PTP4A2: variants seen among roughly 807,000 people sequenced by gnomAD.
PTP4A2 encodes the protein protein tyrosine phosphatase 4A2.
In PTP4A2, 2 loss-of-function variants were observed where a neutral mutation model predicts 22.9. The observed-to-expected ratio is 0.09, with a 90% CI of 0.04 to 0.27. PTP4A2 has a LOEUF of 0.27. Among genes scored for constraint, PTP4A2 ranks in the 10% least tolerant of loss-of-function variants. PTP4A2 has a pLI of 1.00. For synonymous variants in PTP4A2, 68 were observed against 69.1 expected, an observed-to-expected ratio of 0.98 and a Z score of 0.08; for missense variants, 103 against 205.1, an observed-to-expected ratio of 0.50 and a Z score of 3.04.
At chr1:31,922,277 A>G (rs564186581) in intron 1 of PTP4A2, among the ~76,000 whole-genome samples, 10 of 152,242 alleles carry the variant, frequency 6.6e-5, no homozygotes, top group Non-Finnish European at 1.3e-4. Context: ...TGAGGTCAGG[A>G]GTTCAAGACC....
intron 1 of PTP4A2, among the ~76,000 whole-genome samples, chr1:31,924,514 G>C (rs1652356497): frequency 6.6e-6 from 1 of 152,148 alleles, no homozygotes; most frequent in South Asian, 2.1e-4. Context: ...ATCACAGCTA[G>C]AAAGTACTCA....
chr1:31,925,982 A>G (rs1041032358), intron 1 of PTP4A2, among the ~76,000 whole-genome samples: 3 of 151,258 alleles, frequency 2.0e-5, no homozygotes, highest in Non-Finnish European at 4.4e-5. Flanking sequence ...TACAAAAATT[A>G]GCTGGGCGTG....
At chr1:31,935,997 CA>C (rs1297848928) in intron 1 of PTP4A2, among the ~76,000 whole-genome samples, 1 of 152,004 alleles carries the variant, frequency 6.6e-6, no homozygotes, top group African/African-American at 2.4e-5. Context: ...CCATGTTACC[CA>C]GGCTGGTCTC....
intron 1 of PTP4A2, among the ~76,000 whole-genome samples, chr1:31,923,479 C>T (rs1652298319): frequency 6.6e-6 from 1 of 151,280 alleles, no homozygotes; most frequent in Admixed American, 6.6e-5. Flanking sequence ...GGACTACAGG[C>T]GCCCGCTACC....
intron 1 of PTP4A2, among the ~76,000 whole-genome samples, chr1:31,920,532 T>C (rs969283891): frequency 6.7e-6 from 1 of 149,328 alleles, no homozygotes; most frequent in Non-Finnish European, 1.5e-5. Flanking sequence ...AAAACTTCCA[T>C]GAACTTTTTT....
At chr1:31,912,490 G>A (rs1399436378) in intron 3 of PTP4A2, among the ~76,000 whole-genome samples, 1 of 152,184 alleles carries the variant, frequency 6.6e-6, no homozygotes, top group Non-Finnish European at 1.5e-5. Flanking sequence ...AGACCATTTT[G>A]TCAAGTATCC....
intron 1 of PTP4A2, among the ~76,000 whole-genome samples, chr1:31,925,378 A>G (rs1278288677): frequency 6.6e-6 from 1 of 152,156 alleles, no homozygotes; most frequent in Non-Finnish European, 1.5e-5. Flanking sequence ...ACAATTCCAT[A>G]AAGTGTTTTC....
intron 2 of PTP4A2, among the ~76,000 whole-genome samples, chr1:31,916,467 T>C (rs773625440): frequency 6.6e-6 from 1 of 151,646 alleles, no homozygotes; most frequent in Non-Finnish European, 1.5e-5. Flanking sequence ...TGGACACTCA[T>C]GAAATCTCAG....
intron 1 of PTP4A2, among the ~76,000 whole-genome samples, chr1:31,925,893 C>G (rs1277694043): frequency 1.3e-5 from 2 of 151,946 alleles, no homozygotes; most frequent in African/African-American, 4.8e-5. Flanking sequence ...TGCCTGTAAT[C>G]CCAGCACTCT....
intron 1 of PTP4A2, among the ~76,000 whole-genome samples, chr1:31,922,049 C>T (rs1429716036): frequency 1.3e-5 from 2 of 152,192 alleles, no homozygotes. Context: ...CATTCCATCG[C>T]TCTTCCTACC....
intron 1 of PTP4A2, chr1:31,935,594 G>A (rs1157437702): frequency 6.6e-6 from 1 of 152,172 alleles, no homozygotes; most frequent in Non-Finnish European, 1.5e-5. Context: ...TTAACCTTTT[G>A]AGTTTCTGTA....
intron 1 of PTP4A2, chr1:31,932,575 G>C (rs1652767966): frequency 6.6e-6 from 1 of 152,164 alleles, no homozygotes; most frequent in Non-Finnish European, 1.5e-5. Flanking sequence ...TGTATAATCT[G>C]TCAACTCCTC....
intron 1 of PTP4A2, chr1:31,930,951 A>C (rs1171860231): frequency 6.6e-6 from 1 of 152,214 alleles, no homozygotes; most frequent in African/African-American, 2.4e-5. Context: ...CTCAACATGG[A>C]TTCACCTTCC....
chr1:31,915,728 T>G, intron 3 of PTP4A2, 167 bp downstream of exon 3: 2 of 546,434 alleles, frequency 3.7e-6, no homozygotes, highest in Non-Finnish European at 3.3e-6. Context: ...TCTGTACAGA[T>G]GAGATCTCGC....
intron 1 of PTP4A2, among the ~76,000 whole-genome samples, chr1:31,926,623 C>G (rs1450677209): frequency 6.6e-6 from 1 of 152,140 alleles, no homozygotes; most frequent in East Asian, 1.9e-4. Context: ...TCCTGAAGAG[C>G]TAGGCATTTT....
intron 1 of PTP4A2, chr1:31,921,987 T>C (rs1486217686): frequency 6.6e-6 from 1 of 152,192 alleles, no homozygotes; most frequent in Non-Finnish European, 1.5e-5. Context: ...AATGAGTTAC[T>C]CGCTACAGTA....
At chr1:31,912,039 G>A (rs778264248) in intron 3 of PTP4A2, among the ~76,000 whole-genome samples, 28 of 152,124 alleles carry the variant, frequency 1.8e-4, no homozygotes, top group African/African-American at 5.8e-4. Flanking sequence ...ATGCAGTGTC[G>A]CACACATCTG....
intron 3 of PTP4A2, chr1:31,913,984 C>A (rs940175889): frequency 4.7e-6 from 2 of 422,412 alleles, no homozygotes; most frequent in African/African-American, 4.1e-5. Flanking sequence ...TGTTTACACT[C>A]ATTCCCAGTG....
chr1:31,906,975 G>A lies in PTP4A2; in HGVS notation c.*1877C>T, dbSNP rs888191858. On this transcript the variant is annotated 3_prime_UTR_variant, in exon 6 of 6. Coordinates refer to ENST00000647444, the MANE Select transcript of PTP4A2 (RefSeq NM_080391.4). ...TAAAGAATTTTGGATATACCATTATGTTTTAAAGTCCTAGAAACAATTTCG... is the reference window on the plus strand; with the variant it reads ...TAAAGAATTTTGGATATACCATTATATTTTAAAGTCCTAGAAACAATTTCG... 5 of 152,150 alleles carry A rather than the reference G, an allele frequency of 3.3e-5. No homozygotes were observed. Among genetic ancestry groups the A allele is most frequent in the Admixed American group, 6.6e-5 (1 of 15,264 alleles). 9.4% of individuals were successfully genotyped at this position (152,150 alleles called of 1,614,324 possible).
Sources: gnomAD v4.1 joint callset for allele counts (sites outside exome capture counted in the v4.1 genomes callset) on GRCh38, gnomAD v4.1.1 for gene constraint, MANE v1.5 for transcripts, NCBI Gene and HGNC (gene_info 2026-07-23, HGNC 2026-07-21) for gene names.